UVSSA: variants seen among roughly 807,000 people sequenced by gnomAD.
UVSSA encodes UV stimulated scaffold protein A, also known as UV-stimulated scaffold protein A.
In UVSSA, 72 loss-of-function variants were observed where a neutral mutation model predicts 73.9. The ratio of observed to expected loss-of-function variants is 0.97; its 90% CI spans 0.81 to 1.19. The LOEUF (loss-of-function observed/expected upper bound fraction) is 1.19. Ranked by LOEUF, UVSSA falls within the 50% of genes most tolerant of loss-of-function variation. UVSSA has a pLI of 0.00. For synonymous variants in UVSSA, 454 were observed against 391.3 expected, an observed-to-expected ratio of 1.16 and a Z score of -1.89; for missense variants, 1,150 against 965.0, an observed-to-expected ratio of 1.19 and a Z score of -2.54.
chr4:1,363,222 A>G (rs941560385), intron 7 of UVSSA, among the ~76,000 whole-genome samples: 3 of 152,106 alleles, frequency 2.0e-5, no homozygotes, highest in African/African-American at 7.2e-5. Context: ...AGGGAGAGCC[A>G]CCCACGGACC....
At chr4:1,366,492 C>A in intron 8 of UVSSA, 61 bp downstream of exon 8, 3 of 1,328,516 alleles carry the variant, frequency 2.3e-6, no homozygotes, top group Non-Finnish European at 3.1e-6. Flanking sequence ...CAGGATGTGG[C>A]CCCTTGGGGT....
At chr4:1,370,300 CTG>C (rs1390138334) in intron 8 of UVSSA, among the ~76,000 whole-genome samples, 2 of 152,188 alleles carry the variant, frequency 1.3e-5, no homozygotes, top group Admixed American at 6.5e-5. Context: ...CAGCCCGTAT[CTG>C]TGTCATGTGT....
chr4:1,347,037 C>G (rs1420595768), upstream of UVSSA, among the ~76,000 whole-genome samples: 1 of 152,174 alleles, frequency 6.6e-6, no homozygotes, highest in African/African-American at 2.4e-5. Flanking sequence ...GGGGCGGGGC[C>G]TTGACCGGAA....
At chr4:1,385,633 C>T (rs532345299) in intron 13 of UVSSA, 66 of 565,142 alleles carry the variant, frequency 1.2e-4, no homozygotes, top group South Asian at 3.5e-4. Flanking sequence ...AACCACCCGC[C>T]GCAGACTCCG....
chr4:1,375,633 G>GC, intron 9 of UVSSA, 125 bp downstream of exon 9: 1 of 1,438,110 alleles, frequency 7.0e-7, no homozygotes, highest in Non-Finnish European at 9.3e-7. Context: ...GAAGCCTTGG[G>GC]TGTGTACCCC....
intron 5 of UVSSA, 84 bp from the exon 6 acceptor site, chr4:1,354,651 C>T: frequency 7.8e-7 from 1 of 1,275,408 alleles, no homozygotes; most frequent in African/African-American, 1.5e-5. Flanking sequence ...GCTAGAGCAG[C>T]CTTCCTTGCA....
chr4:1,349,905 G>A (rs1299931778), intron 3 of UVSSA, 51 bp downstream of exon 3: 2 of 1,442,616 alleles, frequency 1.4e-6, no homozygotes, highest in Non-Finnish European at 1.8e-6. Flanking sequence ...GACGTGAGGA[G>A]GGCAGACGAT....
intron 7 of UVSSA, chr4:1,359,034 CAGA>C (rs1185698318): frequency 7.2e-5 from 11 of 152,274 alleles, no homozygotes; most frequent in Non-Finnish European, 1.6e-4. Flanking sequence ...CACCCGGGAG[CAGA>C]CACCGTGTCT....
At chr4:1,354,689 G>A in intron 5 of UVSSA, 46 bp from the exon 6 acceptor site, 2 of 1,565,854 alleles carry the variant, frequency 1.3e-6, no homozygotes, top group Non-Finnish European at 1.7e-6. Context: ...GCCTGTGGGA[G>A]ACGCCAGTCG....
chr4:1,345,873 A>G (rs955478439), upstream of UVSSA, among the ~76,000 whole-genome samples: 3 of 151,978 alleles, frequency 2.0e-5, no homozygotes, highest in Non-Finnish European at 1.5e-5. Context: ...AACTAGTAAC[A>G]ACAAAAAAAA....
chr4:1,343,420 A>G (rs1433288518), upstream of UVSSA, among the ~76,000 whole-genome samples: 1 of 152,144 alleles, frequency 6.6e-6, no homozygotes. Context: ...CGACATAGGA[A>G]TTTGGTAGGC....
At chr4:1,355,808 G>A (rs1187882358) in intron 7 of UVSSA, among the ~76,000 whole-genome samples, 2 of 152,180 alleles carry the variant, frequency 1.3e-5, no homozygotes, top group Non-Finnish European at 2.9e-5. Context: ...GAGGCTGGAG[G>A]GAGGTTTGGG....
intron 8 of UVSSA, chr4:1,375,075 C>T: frequency 2.2e-6 from 1 of 445,590 alleles, no homozygotes; most frequent in Non-Finnish European, 4.0e-6. Flanking sequence ...AATCCATCTG[C>T]TCAGGCTGGC....
intron 13 of UVSSA, 39 bp downstream of exon 13, chr4:1,383,979 C>T (rs999022569): frequency 1.6e-5 from 26 of 1,583,162 alleles, no homozygotes; most frequent in South Asian, 3.4e-5. Context: ...CCGCGTGGCC[C>T]CCCCGTGTGA....
intron 2 of UVSSA, among the ~76,000 whole-genome samples, 156 bp downstream of exon 2, chr4:1,348,345 G>A (rs1410007654): frequency 1.3e-5 from 2 of 152,238 alleles, no homozygotes; most frequent in South Asian, 2.1e-4. Context: ...TCTGACGGGT[G>A]GTCATGTTCT....
At chr4:1,394,435 G>A in exon 14 of UVSSA, 1 of 1,600,758 alleles carries the variant, frequency 6.2e-7, no homozygotes, top group Non-Finnish European at 8.5e-7. Context: ...TCTACTTCTA[G>A]TTTTTGATAC....
At chr4:1,392,133 TA>T (rs1208544830), downstream of UVSSA, 2 of 152,244 alleles carry the variant, frequency 1.3e-5, no homozygotes, top group African/African-American at 4.8e-5. Flanking sequence ...AGTATTACAG[TA>T]ACAACGTAAA....
intron 7 of UVSSA, among the ~76,000 whole-genome samples, chr4:1,360,411 G>C (rs1326880472): frequency 6.6e-6 from 1 of 152,234 alleles, no homozygotes; most frequent in Non-Finnish European, 1.5e-5. Flanking sequence ...CTTTCGTTTG[G>C]AAAGCAGCCC....
intron 1 of UVSSA, 69 bp from the exon 2 acceptor site, chr4:1,348,021 C>T (rs878974580): frequency 3.7e-6 from 5 of 1,342,814 alleles, no homozygotes; most frequent in Admixed American, 3.6e-5. Context: ...ACCCAGTAAA[C>T]ACGTTAATAA....
Sources: allele counts gnomAD v4.1 joint callset (sites outside exome capture counted in the v4.1 genomes callset), GRCh38; gene constraint gnomAD v4.1.1; transcripts MANE v1.5; gene names NCBI Gene and HGNC (gene_info 2026-07-23, HGNC 2026-07-21).